Variants in MYO16 observed in about 807,000 individuals in gnomAD.
MYO16 encodes the protein myosin XVI, also known as unconventional myosin-XVI.
Under a neutral mutation model 205.3 loss-of-function variants are expected in MYO16, and 94 were observed. The observed-to-expected ratio is 0.46, with a 90% CI of 0.39 to 0.54. The LOEUF (loss-of-function observed/expected upper bound fraction) is 0.54. Among genes scored for constraint, MYO16 ranks in the 20% least tolerant of loss-of-function variants. MYO16 has a pLI of 0.00. For missense variants in MYO16, 2,315 were observed against 2,387.5 expected (o/e 0.97, Z 0.63); for synonymous variants, 988 against 954.0 (o/e 1.04, Z -0.66).
intron 32 of MYO16, among the ~76,000 whole-genome samples, chr13:109,142,953 T>C (rs1877170822): frequency 6.6e-6 from 1 of 152,124 alleles, no homozygotes; most frequent in Non-Finnish European, 1.5e-5. Context: ...TCCGATTCTT[T>C]GTTCAAAACG....
chr13:108,798,809 C>T (rs1409950631), intron 6 of MYO16, among the ~76,000 whole-genome samples: 2 of 144,666 alleles, frequency 1.4e-5, no homozygotes, highest in Non-Finnish European at 1.5e-5. Flanking sequence ...GGGTTCACGC[C>T]ATTCTCCTGC....
At position 109,127,210 on chromosome 13, in the gene MYO16, G is replaced by A. The variant is rs534908924; in HGVS notation, c.3783-72G>A. The stretch of plus-strand genomic sequence containing the variant: ...GCCGTCATTATGTCTGCTTGAGCAG[G>A]TTCCTTGTTACCGGAATAATGCATC... On this transcript the variant is annotated intron_variant, in intron 30 of 34. Transcript: ENST00000457511. The surrounding 1 kb of genome is among the most constrained non-coding windows in gnomAD (Gnocchi z 4.2). 1.3e-6 allele frequency: 2 copies of A among 1,487,302 alleles called. No homozygotes were observed. The highest frequency in any genetic ancestry group is 4.6e-5 in the East Asian group (2 of 43,310). The allele number at this position is 1,487,302 out of a possible 1,614,324, so 92.1% of individuals were successfully genotyped here.
At chr13:108,524,824 A>G in the MYO16 span, among the ~76,000 whole-genome samples, 3 of 152,182 alleles carry the variant, frequency 2.0e-5, no homozygotes, top group African/African-American at 4.8e-5. Flanking sequence ...TAGAAATAAG[A>G]GAAAAAAACA....
the MYO16 span, among the ~76,000 whole-genome samples, chr13:108,552,980 C>T: frequency 4.1e-5 from 6 of 147,278 alleles, no homozygotes; most frequent in African/African-American, 1.2e-4. Flanking sequence ...CTGAAAGGTC[C>T]CAACTCTTAG....
chr13:109,192,761 G>T (rs1879977882), intron 34 of MYO16, among the ~76,000 whole-genome samples: 2 of 152,110 alleles, frequency 1.3e-5, no homozygotes, highest in South Asian at 2.1e-4. Flanking sequence ...TGACATGAAA[G>T]GTCATCCACT....
In MYO16 at chr13:108,774,047, C is replaced by A. The variant is rs372768245; in HGVS notation, c.508-11588C>A. Among the ~76,000 whole-genome samples, 36 of 152,064 alleles carry A rather than the reference C, an allele frequency of 2.4e-4. No individual in the cohort carries two copies. In the South Asian group the frequency reaches 7.1e-3, roughly 30 times the overall value. On this transcript the variant is annotated intron_variant, in intron 4 of 34. Transcript: ENST00000457511. Reference sequence around the variant, plus strand: ...AGGAGGTTGCAGTGACCCGAGATTGCGCCACTGCACTCCAGTCTGAGTGAC... The same window carrying A: ...AGGAGGTTGCAGTGACCCGAGATTGAGCCACTGCACTCCAGTCTGAGTGAC...
At chr13:108,882,378 T>C (rs1879658450) in intron 12 of MYO16, among the ~76,000 whole-genome samples, 1 of 152,216 alleles carries the variant, frequency 6.6e-6, no homozygotes, top group South Asian at 2.1e-4. Flanking sequence ...GGACCAGTTC[T>C]GCAGTCTTCT....
chr13:109,091,268 A>C (rs1402079107), intron 27 of MYO16, among the ~76,000 whole-genome samples: 1 of 152,190 alleles, frequency 6.6e-6, no homozygotes, highest in African/African-American at 2.4e-5. Flanking sequence ...TCAGAGCTAA[A>C]ATTGCTAAAT....
At chr13:108,924,020 C>T (rs1881866465) in intron 16 of MYO16, among the ~76,000 whole-genome samples, 1 of 152,238 alleles carries the variant, frequency 6.6e-6, no homozygotes, top group African/African-American at 2.4e-5. Context: ...ATGAAGCTTC[C>T]TCATAAAATC....
At chr13:108,537,090 C>G in the MYO16 span, among the ~76,000 whole-genome samples, 5 of 152,110 alleles carry the variant, frequency 3.3e-5, no homozygotes, top group East Asian at 9.7e-4. Flanking sequence ...AATAGTGTAC[C>G]AGATGAATAA....
At chr13:108,980,736 T>C (rs1309579458) in intron 20 of MYO16, among the ~76,000 whole-genome samples, 1 of 152,234 alleles carries the variant, frequency 6.6e-6, no homozygotes, top group Non-Finnish European at 1.5e-5. Flanking sequence ...AAATACATTT[T>C]CCAAGCCTGG....
At chr13:108,854,581 A>G (rs925201758) in intron 10 of MYO16, among the ~76,000 whole-genome samples, 3 of 152,144 alleles carry the variant, frequency 2.0e-5, no homozygotes, top group Non-Finnish European at 2.9e-5. Context: ...AATACAAATG[A>G]TAATTATTAA....
intron 13 of MYO16, among the ~76,000 whole-genome samples, chr13:108,885,820 A>G (rs974141640): frequency 6.6e-6 from 1 of 152,218 alleles, no homozygotes; most frequent in African/African-American, 2.4e-5. Context: ...GAGGAGCAGC[A>G]GGCCCATGCG....
intron 17 of MYO16, 88 bp from the exon 18 acceptor site, chr13:108,961,451 G>T: frequency 1.9e-6 from 2 of 1,049,790 alleles, no homozygotes; most frequent in African/African-American, 3.2e-5. Flanking sequence ...CATCATTTTT[G>T]TAACTTACTT....
the MYO16 span, among the ~76,000 whole-genome samples, chr13:108,501,343 C>T: frequency 2.0e-5 from 3 of 152,106 alleles, no homozygotes; most frequent in African/African-American, 4.8e-5. Context: ...GCTTAGGGAC[C>T]CTCTATCTCA....
chr13:109,113,024 G>A (rs571865732), intron 28 of MYO16, among the ~76,000 whole-genome samples: 1 of 152,280 alleles, frequency 6.6e-6, no homozygotes, highest in East Asian at 1.9e-4. Context: ...TGTATACAAG[G>A]TACACTAGTG....
At chr13:108,865,983 ATTAT>A (rs966351262) in intron 11 of MYO16, among the ~76,000 whole-genome samples, 190 bp from the exon 12 acceptor site, 4 of 152,038 alleles carry the variant, frequency 2.6e-5, no homozygotes, top group African/African-American at 7.2e-5. Context: ...TTTAATTTGA[ATTAT>A]TTAATTCATT....
chr13:108,534,620 A>G, the MYO16 span, among the ~76,000 whole-genome samples: 1 of 151,486 alleles, frequency 6.6e-6, no homozygotes, highest in Non-Finnish European at 1.5e-5. Context: ...CTCTGCTTCT[A>G]CATTAAAAAA....
intron 16 of MYO16, among the ~76,000 whole-genome samples, chr13:108,944,729 C>A (rs1360546826): frequency 2.6e-5 from 4 of 152,100 alleles, no homozygotes; most frequent in Non-Finnish European, 5.9e-5. Context: ...GAAATATATA[C>A]TTTGCATGTT....
Sources: gnomAD v4.1 joint callset for allele counts (sites outside exome capture counted in the v4.1 genomes callset) on GRCh38, gnomAD v4.1.1 for gene constraint, Gnocchi (gnomAD v3.1) non-coding constraint, MANE v1.5 for transcripts, NCBI Gene and HGNC (gene_info 2026-07-23, HGNC 2026-07-21) for gene names.